Variants in ASTN1 observed in about 807,000 individuals in gnomAD.
ASTN1 encodes astrotactin-1.
A neutral mutation model predicts 140.7 loss-of-function variants in ASTN1; 41 were observed. That is an observed-to-expected ratio of 0.29 (90% CI 0.23 to 0.38). The LOEUF (loss-of-function observed/expected upper bound fraction) is 0.38. ASTN1 is among the 10% of genes least tolerant of loss of function. The pLI, the probability that ASTN1 is intolerant of heterozygous loss-of-function variation, is 1.00. For missense variants in ASTN1, 1,479 were observed against 1,678.8 expected (o/e 0.88, Z 2.08); for synonymous variants, 640 against 652.2 (o/e 0.98, Z 0.29).
chr1:177,035,634 G>A (rs1046130388), intron 2 of ASTN1, among the ~76,000 whole-genome samples: 1 of 152,186 alleles, frequency 6.6e-6, no homozygotes, highest in African/African-American at 2.4e-5. Flanking sequence ...CTTCAACTGA[G>A]CTGAATTTAG....
At position 177,068,824 on chromosome 1, in the gene ASTN1, T is replaced by TC. The variant is rs201575619; in HGVS notation, c.284-7560_284-7559insG. Among the ~76,000 whole-genome samples, 333 of 148,868 alleles carry TC rather than the reference T, an allele frequency of 2.2e-3. 2 individuals carry two copies. The highest frequency in any genetic ancestry group is 7.8e-3 in the African/African-American group (319 of 40,768). Reference sequence around the variant, plus strand: ...TCTTTTTTTCCTTCTTTCTTTTCTTTTTTTTTTTTTTTTGAGATAGGATCT... The same window carrying TC: ...TCTTTTTTTCCTTCTTTCTTTTCTTTCTTTTTTTTTTTTTGAGATAGGATCT... On this transcript the variant is annotated intron_variant, in intron 1 of 22. Coordinates refer to ENST00000361833, the MANE Select transcript of ASTN1 (RefSeq NM_004319.3).
chr1:177,150,837 A>G (rs1015592850), intron 1 of ASTN1, among the ~76,000 whole-genome samples: 1 of 152,172 alleles, frequency 6.6e-6, no homozygotes. Context: ...ATTCTAATGG[A>G]ACACAGCTAT....
intron 16 of ASTN1, among the ~76,000 whole-genome samples, chr1:176,911,825 A>G (rs1175812286): frequency 6.6e-6 from 1 of 152,244 alleles, no homozygotes; most frequent in Middle Eastern, 3.2e-3. Context: ...GCCATTTATT[A>G]TCAGGTATTA....
At chr1:177,089,399 C>A (rs1261052208) in intron 1 of ASTN1, among the ~76,000 whole-genome samples, 2 of 152,108 alleles carry the variant, frequency 1.3e-5, no homozygotes, top group Non-Finnish European at 2.9e-5. Flanking sequence ...TAATCTCTGA[C>A]TCATAGCTAT....
At chr1:176,859,314 C>A (rs1411502912), downstream of ASTN1, among the ~76,000 whole-genome samples, 1 of 152,148 alleles carries the variant, frequency 6.6e-6, no homozygotes, top group Non-Finnish European at 1.5e-5. Context: ...TTGCTCCCCT[C>A]CATGGAGGCA....
chr1:177,019,962 G>A (rs1675740869), intron 7 of ASTN1, among the ~76,000 whole-genome samples: 3 of 152,152 alleles, frequency 2.0e-5, no homozygotes, highest in Admixed American at 6.5e-5. Flanking sequence ...TCGGCTCACT[G>A]CAGCCTCGAC....
downstream of ASTN1, among the ~76,000 whole-genome samples, chr1:176,859,776 C>T (rs946924742): frequency 6.6e-6 from 1 of 152,198 alleles, no homozygotes; most frequent in Non-Finnish European, 1.5e-5. Context: ...AAGAGCAAAA[C>T]TCCGTCTCAC....
intron 1 of ASTN1, among the ~76,000 whole-genome samples, chr1:177,148,579 C>G (rs760946609): frequency 5.3e-5 from 8 of 151,548 alleles, no homozygotes; most frequent in Non-Finnish European, 1.2e-4. Flanking sequence ...TGGGAAATAA[C>G]TAGGCCTTTG....
chr1:177,103,708 C>T (rs889189052), intron 1 of ASTN1, among the ~76,000 whole-genome samples: 1 of 152,068 alleles, frequency 6.6e-6, no homozygotes, highest in African/African-American at 2.4e-5. Context: ...ACCTCCTAGA[C>T]CCTGAGTTAG....
intron 1 of ASTN1, among the ~76,000 whole-genome samples, chr1:177,119,489 T>C (rs775502284): frequency 3.6e-5 from 5 of 140,142 alleles, no homozygotes; most frequent in Non-Finnish European, 5.9e-5. Flanking sequence ...TGGGTTGCCA[T>C]GGTAACAAGG....
At chr1:177,122,708 T>C (rs1231158383) in intron 1 of ASTN1, among the ~76,000 whole-genome samples, 1 of 152,210 alleles carries the variant, frequency 6.6e-6, no homozygotes, top group Non-Finnish European at 1.5e-5. Context: ...GTCAGCGCTC[T>C]GTCCAGACAT....
At chr1:176,884,640 TA>T in intron 18 of ASTN1, 150 bp from the exon 19 acceptor site, 2 of 868,886 alleles carry the variant, frequency 2.3e-6, no homozygotes, top group Non-Finnish European at 3.4e-6. Flanking sequence ...CAAAAGATAG[TA>T]ATGTTTTTGA....
chr1:176,961,467 T>A (rs1372916386), intron 9 of ASTN1, among the ~76,000 whole-genome samples: 1 of 152,196 alleles, frequency 6.6e-6, no homozygotes, highest in Non-Finnish European at 1.5e-5. Context: ...GCAGGTGCTC[T>A]GTAGCGTGGC....
intron 1 of ASTN1, among the ~76,000 whole-genome samples, chr1:177,063,316 G>A (rs138184183): frequency 6.6e-6 from 1 of 152,188 alleles, no homozygotes; most frequent in Non-Finnish European, 1.5e-5. Context: ...TCCATCCTTG[G>A]CCCCTCCCTA....
At chr1:177,060,962 T>G (rs1246495343) in intron 2 of ASTN1, 116 bp downstream of exon 2, 6 of 1,080,858 alleles carry the variant, frequency 5.6e-6, no homozygotes, top group African/African-American at 1.6e-5. Flanking sequence ...CTTATTAACA[T>G]GATCAATGAT....
At chr1:176,929,963 G>T (rs965226245) in intron 16 of ASTN1, among the ~76,000 whole-genome samples, 3 of 152,092 alleles carry the variant, frequency 2.0e-5, no homozygotes, top group Non-Finnish European at 4.4e-5. Context: ...AGCCAAGATC[G>T]CACCACTGCA....
chr1:177,139,041 G>C (rs1041061488), intron 1 of ASTN1, among the ~76,000 whole-genome samples: 1 of 152,158 alleles, frequency 6.6e-6, no homozygotes, highest in East Asian at 1.9e-4. Flanking sequence ...ACCTTTCCTG[G>C]TGTGAGTTAA....
intron 1 of ASTN1, among the ~76,000 whole-genome samples, chr1:177,153,503 A>G (rs948238761): frequency 3.3e-5 from 5 of 152,202 alleles, no homozygotes; most frequent in African/African-American, 1.2e-4. Context: ...TACTTGGATA[A>G]AGCCATATAT....
intron 8 of ASTN1, chr1:176,976,964 T>C (rs1465743679): frequency 6.6e-6 from 1 of 152,306 alleles, no homozygotes; most frequent in Non-Finnish European, 1.5e-5. Flanking sequence ...CTGTACTAAG[T>C]ACGGTGCAAA....
Sources: gnomAD v4.1 joint callset for allele counts (sites outside exome capture counted in the v4.1 genomes callset) on GRCh38, gnomAD v4.1.1 for gene constraint, MANE v1.5 for transcripts, NCBI Gene and HGNC (gene_info 2026-07-23, HGNC 2026-07-21) for gene names.